The following SYCP2L variants were observed in gnomAD, a reference collection of about 807,000 sequenced individuals.
The protein encoded by SYCP2L is synaptonemal complex protein 2-like.
In SYCP2L, 98 loss-of-function variants were observed where a neutral mutation model predicts 125.8. The ratio of observed to expected loss-of-function variants is 0.78; its 90% confidence interval spans 0.66 to 0.92. The LOEUF is 0.92. Ranked by LOEUF, SYCP2L falls within the 40% of genes least tolerant of loss-of-function variation. SYCP2L has a pLI of 0.00. For synonymous variants in SYCP2L, 317 were observed against 325.4 expected (o/e 0.97, Z 0.28); for missense variants, 842 against 936.4 (o/e 0.90, Z 1.32).
intron 14 of SYCP2L, among the ~76,000 whole-genome samples, chr6:10,918,941 A>G (rs1292334495): frequency 6.6e-6 from 1 of 152,238 alleles, no homozygotes; most frequent in Middle Eastern, 3.4e-3. Context: ...TTTTTTATTT[A>G]TGCCATCTAT....
In SYCP2L at chr6:10,887,083, C is replaced by T. The variant is rs757821829; in HGVS notation, c.-44C>T. Reference sequence around the variant, plus strand: ...GCAGGAGAGGGCCGACCGAGCGCAACAAAGCTGAGCGGCGCGTCGCTTCAG... The same window carrying T: ...GCAGGAGAGGGCCGACCGAGCGCAATAAAGCTGAGCGGCGCGTCGCTTCAG... On this transcript the variant is annotated 5_prime_UTR_variant, in exon 1 of 30. Coordinates refer to ENST00000283141, the MANE Select transcript of SYCP2L (RefSeq NM_001040274.3). 3.1e-6 allele frequency: 5 copies of T among 1,613,830 alleles called. No homozygotes were observed. In the East Asian group the frequency reaches 8.9e-5, roughly 29 times the overall value.
chr6:10,960,195 C>T (rs1011370910), intron 26 of SYCP2L, among the ~76,000 whole-genome samples: 1 of 152,128 alleles, frequency 6.6e-6, no homozygotes, highest in Non-Finnish European at 1.5e-5. Flanking sequence ...AAAGGAATGG[C>T]AAGTTGATTT....
intron 6 of SYCP2L, among the ~76,000 whole-genome samples, chr6:10,900,254 T>A (rs1222757793): frequency 1.3e-5 from 2 of 152,206 alleles, no homozygotes; most frequent in Non-Finnish European, 2.9e-5. Flanking sequence ...CTTTCTGGCT[T>A]CTTGCTGTAT....
At chr6:10,938,945 C>T (rs1019560297) in intron 21 of SYCP2L, among the ~76,000 whole-genome samples, 6 of 151,996 alleles carry the variant, frequency 3.9e-5, no homozygotes, top group African/African-American at 1.4e-4. Flanking sequence ...ACAGTGAAAC[C>T]CCATCTCTAC....
intron 21 of SYCP2L, among the ~76,000 whole-genome samples, chr6:10,941,692 T>C (rs957609176): frequency 1.3e-5 from 2 of 152,222 alleles, no homozygotes; most frequent in African/African-American, 4.8e-5. Flanking sequence ...CACTTTTCTT[T>C]TACACTGTTG....
At chr6:10,929,300 C>T (rs1428470068) in intron 18 of SYCP2L, among the ~76,000 whole-genome samples, 1 of 152,146 alleles carries the variant, frequency 6.6e-6, no homozygotes, top group Non-Finnish European at 1.5e-5. Flanking sequence ...CTGAAGGAGC[C>T]TAATGTTTGG....
intron 24 of SYCP2L, 108 bp downstream of exon 24, chr6:10,955,325 A>G: frequency 1.5e-6 from 1 of 658,382 alleles, no homozygotes; most frequent in Non-Finnish European, 2.6e-6. Flanking sequence ...AGATCATAGT[A>G]GCTACAAAAT....
At chr6:10,962,692 A>ATATAAATAT in intron 28 of SYCP2L, among the ~76,000 whole-genome samples, 2 of 152,160 alleles carry the variant, frequency 1.3e-5, no homozygotes, top group Non-Finnish European at 2.9e-5. Flanking sequence ...ATTTATATGA[A>ATATAAATAT]AAATAACTAT....
rs374665228 is a variant in SYCP2L, at chr6:10,955,176, C to T, written c.2015C>T (p.Pro672Leu). 5.6e-6 allele frequency: 9 copies of T among 1,613,258 alleles called. No individual in the cohort carries two copies. The highest frequency in any genetic ancestry group is 1.7e-5 in the Admixed American group (1 of 59,998). ...QQSRLEEEVAPGSPFSITEER... is the reference protein window; with the variant it reads ...QQSRLEEEVALGSPFSITEER... ...TCAAGATTGGAAGAAGAGGTTGCTC[C>T]GGGATCCCCTTTCTCAATAACAGAA... Residue 672 changes from proline (P) to leucine (L), a missense_variant, in exon 24 of 30, where the codon CCG becomes CTG. Coordinates refer to ENST00000283141, the MANE Select transcript of SYCP2L (RefSeq NM_001040274.3).
chr6:10,893,704 A>G (rs1229106251), intron 2 of SYCP2L, among the ~76,000 whole-genome samples, 163 bp from the exon 3 acceptor site: 1 of 152,174 alleles, frequency 6.6e-6, no homozygotes, highest in Non-Finnish European at 1.5e-5. Context: ...AACATCAATC[A>G]TTTGTGAAAT....
chr6:10,924,758 C>A, intron 15 of SYCP2L, 117 bp downstream of exon 15: 2 of 1,015,090 alleles, frequency 2.0e-6, no homozygotes, highest in Non-Finnish European at 2.7e-6. Flanking sequence ...CCTGGTCTTT[C>A]AAATGCCATG....
At chr6:10,909,420 G>A (rs1269555101) in intron 10 of SYCP2L, among the ~76,000 whole-genome samples, 11 of 152,204 alleles carry the variant, frequency 7.2e-5, no homozygotes, top group African/African-American at 2.6e-4. Context: ...GAGCCACCAC[G>A]TCCGGCCCGA....
At chr6:10,930,780 A>T (rs993531733) in intron 19 of SYCP2L, among the ~76,000 whole-genome samples, 2 of 152,246 alleles carry the variant, frequency 1.3e-5, no homozygotes, top group Non-Finnish European at 2.9e-5. Context: ...AGCTGGAATC[A>T]TCAGGAAAAT....
At chr6:10,970,938 A>G (rs1481316016) in intron 29 of SYCP2L, among the ~76,000 whole-genome samples, 1 of 152,030 alleles carries the variant, frequency 6.6e-6, no homozygotes, top group African/African-American at 2.4e-5. Context: ...TAATGAGATA[A>G]TCGGGCCATC....
chr6:10,925,601 T>G (rs1418395709), intron 15 of SYCP2L, among the ~76,000 whole-genome samples: 1 of 152,214 alleles, frequency 6.6e-6, no homozygotes, highest in East Asian at 1.9e-4. Flanking sequence ...AGAGACCAGA[T>G]AAGGAAGTCT....
chr6:10,959,756 C>A (rs1781565511), intron 26 of SYCP2L, among the ~76,000 whole-genome samples: 1 of 151,596 alleles, frequency 6.6e-6, no homozygotes, highest in South Asian at 2.1e-4. Context: ...GTAATCCCAG[C>A]TACTTGGGAG....
Position 10,903,045 on chromosome 6 carries a change from A to T in SYCP2L, c.641+82A>T. 4 of 1,110,978 alleles carry T rather than the reference A, an allele frequency of 3.6e-6. No individual in the cohort carries two copies. The South Asian group carries it at 5.2e-5, about 14-fold the overall frequency. 68.8% of individuals were successfully genotyped at this position (1,110,978 alleles called of 1,614,324 possible). ...TATGGCTTCAGTCTGTGTTCTACTT[A>T]GACCTGATTATGTCCTTTCTCTCTT... On this transcript the variant is annotated intron_variant, in intron 8 of 29. Coordinates refer to ENST00000283141, the MANE Select transcript of SYCP2L (RefSeq NM_001040274.3).
rs1780628451 is a variant in SYCP2L, at chr6:10,912,541, T to C, written c.919-132T>C. 1.1e-5 allele frequency: 7 copies of C among 637,894 alleles called. No individual in the cohort carries two copies. The highest frequency in any genetic ancestry group is 4.3e-4 in the Middle Eastern group (1 of 2,338). 39.5% of individuals were successfully genotyped at this position (637,894 alleles called of 1,614,324 possible). ...TGTTTTGCACAAAAGAGTCAGTCAA[T>C]AGAGGCCCTATAATGCTAGGATAAT... On this transcript the variant is annotated intron_variant, in intron 12 of 29. Coordinates refer to ENST00000283141, the MANE Select transcript of SYCP2L (RefSeq NM_001040274.3). This position sits in a 1 kb window ranked among gnomAD's most constrained non-coding sequence, Gnocchi z 4.1.
At chr6:10,917,579 T>C (rs967133049) in intron 14 of SYCP2L, among the ~76,000 whole-genome samples, 2 of 152,216 alleles carry the variant, frequency 1.3e-5, no homozygotes, top group Non-Finnish European at 2.9e-5. Flanking sequence ...AGATGGTTGG[T>C]GAATTCTTAT....
Sources: gnomAD v4.1 joint callset for allele counts (sites outside exome capture counted in the v4.1 genomes callset) on GRCh38, gnomAD v4.1.1 for gene constraint, Gnocchi (gnomAD v3.1) non-coding constraint, MANE v1.5 for transcripts, NCBI Gene and HGNC (gene_info 2026-07-23, HGNC 2026-07-21) for gene names.